The following CDH13 variants were observed in gnomAD, a reference collection of about 807,000 sequenced individuals.
The protein encoded by CDH13 is cadherin 13.
In CDH13, 24 loss-of-function variants were observed where a neutral mutation model predicts 63.8. That is an observed-to-expected ratio of 0.38 (90% CI 0.27 to 0.53). CDH13 has a LOEUF of 0.53. Ranked by LOEUF, CDH13 falls within the 20% of genes least tolerant of loss-of-function variation. The pLI is 0.85. For synonymous variants in CDH13, 503 were observed against 355.3 expected (o/e 1.42, Z -4.67); for missense variants, 1,049 against 903.1 (o/e 1.16, Z -2.07).
chr16:83,158,090 C>T (rs1312748534), intron 4 of CDH13, among the ~76,000 whole-genome samples: 1 of 152,032 alleles, frequency 6.6e-6, no homozygotes, highest in Non-Finnish European at 1.5e-5. Context: ...AGTGGGTTCC[C>T]TGTCTCAGGC....
At chr16:82,967,800 T>C (rs1908082661) in intron 2 of CDH13, among the ~76,000 whole-genome samples, 1 of 152,226 alleles carries the variant, frequency 6.6e-6, no homozygotes, top group African/African-American at 2.4e-5. Flanking sequence ...TGACATTAAC[T>C]TGGACCACTT....
At chr16:83,693,872 C>T (rs1161956120) in intron 10 of CDH13, among the ~76,000 whole-genome samples, 4 of 152,184 alleles carry the variant, frequency 2.6e-5, no homozygotes, top group Non-Finnish European at 5.9e-5. Context: ...GCAAATAACA[C>T]CATGAGTTGT....
In CDH13 at chr16:83,648,740, C is replaced by A. The variant is rs2150815914; in HGVS notation, c.1102-22050C>A. Among the ~76,000 whole-genome samples the A allele has an allele frequency of 2.0e-5, 3 of 152,254 alleles. No individual in the cohort carries two copies. The Middle Eastern group carries it at 0.01, about 518-fold the overall frequency. ...AAAAATCGAGTCAGTATCATTCTAT[C>A]TTTATTCTCTATTCTCTCTCTCCCT... is the stretch of plus-strand genomic sequence containing the variant. On this transcript the variant is annotated intron_variant, in intron 8 of 13. Coordinates refer to ENST00000567109, the MANE Select transcript of CDH13 (RefSeq NM_001257.5).
chr16:83,360,182 G>A (rs1305854287), intron 6 of CDH13, among the ~76,000 whole-genome samples: 5 of 152,182 alleles, frequency 3.3e-5, no homozygotes, highest in Admixed American at 6.5e-5. Flanking sequence ...AGGAAATATC[G>A]CTTTAGCTTG....
intron 5 of CDH13, among the ~76,000 whole-genome samples, chr16:83,297,066 A>T (rs192734588): frequency 2.9e-4 from 44 of 152,310 alleles, no homozygotes; most frequent in African/African-American, 9.9e-4. Flanking sequence ...ATCTATTTTC[A>T]TTTTAATAAG....
intron 1 of CDH13, among the ~76,000 whole-genome samples, chr16:82,759,458 A>G (rs1002834965): frequency 6.6e-6 from 1 of 151,984 alleles, no homozygotes; most frequent in African/African-American, 2.4e-5. Context: ...TAATATACTG[A>G]ATGTTTCTGT....
intron 1 of CDH13, among the ~76,000 whole-genome samples, chr16:82,739,334 G>A (rs1435024924): frequency 6.6e-6 from 1 of 152,192 alleles, no homozygotes; most frequent in Non-Finnish European, 1.5e-5. Flanking sequence ...GGGGCTAGAT[G>A]TGAGGGAAGA....
chr16:82,982,019 A>C (rs527374894), intron 2 of CDH13, among the ~76,000 whole-genome samples: 2 of 152,316 alleles, frequency 1.3e-5, no homozygotes, highest in Admixed American at 6.5e-5. Flanking sequence ...GAAGTATAGC[A>C]TTCTAACAGC....
Position 83,590,373 on chromosome 16 carries a change from T to G in CDH13, c.961-12081T>G, listed in dbSNP as rs576101988. On this transcript the variant is annotated intron_variant, in intron 7 of 13. Coordinates refer to ENST00000567109, the MANE Select transcript of CDH13 (RefSeq NM_001257.5). ...GGGAGGTAAAATCAGGAGCACTGGATGAGCAGTTGTTTGAGGTAAGAGAGA... is the reference window on the plus strand; with the variant it reads ...GGGAGGTAAAATCAGGAGCACTGGAGGAGCAGTTGTTTGAGGTAAGAGAGA... Among the ~76,000 whole-genome samples, 12 of 152,240 alleles carry G rather than the reference T, an allele frequency of 7.9e-5. No homozygotes were observed. In the South Asian group the frequency reaches 2.5e-3, roughly 32 times the overall value.
At chr16:83,263,775 C>A (rs895399816) in intron 5 of CDH13, among the ~76,000 whole-genome samples, 1 of 152,170 alleles carries the variant, frequency 6.6e-6, no homozygotes, top group African/African-American at 2.4e-5. Flanking sequence ...GCCATGGCCT[C>A]AATCCCAGCC....
intron 1 of CDH13, among the ~76,000 whole-genome samples, chr16:82,771,761 G>A (rs905138537): frequency 1.3e-5 from 2 of 152,330 alleles, no homozygotes; most frequent in South Asian, 2.1e-4. Flanking sequence ...TAGGAAAAAC[G>A]TATAGGGAAG....
At chr16:83,083,168 A>G (rs890042840) in intron 3 of CDH13, among the ~76,000 whole-genome samples, 1 of 152,234 alleles carries the variant, frequency 6.6e-6, no homozygotes, top group Non-Finnish European at 1.5e-5. Flanking sequence ...AAGTAATACC[A>G]ATCATGGGTT....
At chr16:83,115,593 T>TA (rs2035255164) in intron 3 of CDH13, among the ~76,000 whole-genome samples, 1 of 152,246 alleles carries the variant, frequency 6.6e-6, no homozygotes, top group Admixed American at 6.5e-5. Flanking sequence ...CCAGTCTTCT[T>TA]ACCTTGACTT....
chr16:82,971,211 C>T (rs924741099), intron 2 of CDH13, among the ~76,000 whole-genome samples: 9 of 152,198 alleles, frequency 5.9e-5, no homozygotes, highest in Non-Finnish European at 1.3e-4. Flanking sequence ...CCATAACTCA[C>T]CAGCAGGATT....
At chr16:83,613,919 C>T (rs1033464085) in intron 8 of CDH13, among the ~76,000 whole-genome samples, 1 of 151,992 alleles carries the variant, frequency 6.6e-6, no homozygotes, top group Non-Finnish European at 1.5e-5. Context: ...ATAAAATTAT[C>T]AGCTGAAATT....
chr16:82,972,729 G>C (rs773101828), intron 2 of CDH13, among the ~76,000 whole-genome samples: 1 of 152,186 alleles, frequency 6.6e-6, no homozygotes, highest in South Asian at 2.1e-4. Flanking sequence ...CAAGCCATTT[G>C]GGTATGATAA....
chr16:83,336,021 C>T (rs368673585), intron 5 of CDH13, among the ~76,000 whole-genome samples: 99 of 152,076 alleles, frequency 6.5e-4, no homozygotes, highest in African/African-American at 2.2e-3. Context: ...ATATTTGGGG[C>T]CAGGCATGGT....
chr16:82,851,445 TAAAAAG>T (rs911575371), intron 1 of CDH13, among the ~76,000 whole-genome samples: 4 of 17,594 alleles, frequency 2.3e-4, no homozygotes, highest in South Asian at 3.6e-3. Context: ...AAAAAAAAAA[TAAAAAG>T]AAAAAGAAAA....
At chr16:83,161,220 C>T (rs1202449360) in intron 4 of CDH13, among the ~76,000 whole-genome samples, 1 of 152,118 alleles carries the variant, frequency 6.6e-6, no homozygotes, top group African/African-American at 2.4e-5. Context: ...GGGAGATATA[C>T]TAATATCTCA....
Sources: allele counts gnomAD v4.1 joint callset (sites outside exome capture counted in the v4.1 genomes callset), GRCh38; gene constraint gnomAD v4.1.1; transcripts MANE v1.5; gene names NCBI Gene and HGNC (gene_info 2026-07-23, HGNC 2026-07-21).